The following CWF19L1 variants were observed in gnomAD, a reference collection of about 807,000 sequenced individuals.
CWF19L1 encodes the protein CWF19-like protein 1.
Under a neutral mutation model 69.7 loss-of-function variants are expected in CWF19L1, and 60 were observed. The observed-to-expected ratio is 0.86, with a 90% CI of 0.70 to 1.07. CWF19L1 has a LOEUF of 1.07. Among genes scored for constraint, CWF19L1 ranks in the 50% least tolerant of loss-of-function variants. CWF19L1 has a pLI of 0.00. For missense variants in CWF19L1, 591 were observed against 638.9 expected (o/e 0.92, Z 0.81); for synonymous variants, 209 against 222.2 (o/e 0.94, Z 0.53).
At chr10:100,265,086 A>G (rs114541841) in intron 1 of CWF19L1, among the ~76,000 whole-genome samples, 346 of 151,204 alleles carry the variant, frequency 2.3e-3, no homozygotes, top group African/African-American at 8.0e-3. Flanking sequence ...GCACAATTGC[A>G]CTCCAGCCTG....
At chr10:100,243,018 G>A (rs1589615502) in intron 10 of CWF19L1, among the ~76,000 whole-genome samples, 1 of 152,276 alleles carries the variant, frequency 6.6e-6, no homozygotes, top group East Asian at 1.9e-4. Flanking sequence ...ACTGCTGGTG[G>A]GAATATAAGA....
chr10:100,242,661 G>A (rs1028250304), intron 10 of CWF19L1, among the ~76,000 whole-genome samples: 31 of 142,366 alleles, frequency 2.2e-4, no homozygotes, highest in Admixed American at 5.6e-4. Flanking sequence ...GCAACAGAGC[G>A]AGACTCCATC....
chr10:100,248,722 GAGCA>G, intron 7 of CWF19L1: 1 of 1,142,212 alleles, frequency 8.8e-7, no homozygotes, highest in South Asian at 1.2e-5. Context: ...CGACCTTACA[GAGCA>G]AGCAGCCACC....
In CWF19L1 at chr10:100,266,682, A is replaced by ATTTTTT. The variant is rs35028554; in HGVS notation, c.23+883_23+888dup. On this transcript the variant is annotated intron_variant, in intron 1 of 13. Transcript: ENST00000354105. ...AGGCACGCGCCACCACGCCTGGCTA[A>ATTTTTT]TTTTTTTTTTTTGTATTAGTAGAGA... Among the ~76,000 whole-genome samples, 648 of 135,090 alleles carry ATTTTTT rather than the reference A, an allele frequency of 4.8e-3. 12 individuals carry two copies. The highest frequency in any genetic ancestry group is 0.017 in the African/African-American group (605 of 35,366). The allele number at this position is 135,090 out of a possible 152,430, so 88.6% of individuals were successfully genotyped here. A position where few individuals can be genotyped will look rare whatever the true frequency, so the allele number is the denominator to read the frequency against.
chr10:100,248,687 A>C, intron 7 of CWF19L1: 1 of 975,140 alleles, frequency 1.0e-6, no homozygotes, highest in Non-Finnish European at 1.6e-6. Flanking sequence ...ACCTAAAGAG[A>C]GCTGGTCTCC....
At chr10:100,266,832 G>GT (rs1847607942) in intron 1 of CWF19L1, among the ~76,000 whole-genome samples, 1 of 143,750 alleles carries the variant, frequency 7.0e-6, no homozygotes, top group Non-Finnish European at 1.5e-5. Context: ...TATTTGTATT[G>GT]TTTTTTGTTT....
intron 13 of CWF19L1, among the ~76,000 whole-genome samples, chr10:100,234,216 A>G (rs1434170134): frequency 6.6e-6 from 1 of 152,238 alleles, no homozygotes; most frequent in East Asian, 1.9e-4. Flanking sequence ...AAGTCAAAGA[A>G]CCTAAGCTCC....
chr10:100,256,366 A>C lies in CWF19L1; in HGVS notation c.400T>G (p.Ser134Ala), dbSNP rs376515228. 8 of 1,614,082 alleles carry C rather than the reference A, an allele frequency of 5.0e-6. No individual in the cohort carries two copies. In the East Asian group the frequency reaches 1.3e-4, roughly 27 times the overall value. Residue 134 changes from serine (S) to alanine (A), a missense_variant, in exon 5 of 14, where the codon TCT becomes GCT. By Grantham distance (99) the Ser-to-Ala change is moderately conservative. Coordinates refer to ENST00000354105, the MANE Select transcript of CWF19L1 (RefSeq NM_018294.6). ...PGYSFSPKDVSSLRMMLCTTS... is the reference protein window; with the variant it reads ...PGYSFSPKDVASLRMMLCTTS... ...GTACACAGCATCATTCTCAGAGAAG[A>C]CACATCCTTGGGACTAAAACTATAA...
At chr10:100,265,087 C>A (rs1477831867) in intron 1 of CWF19L1, among the ~76,000 whole-genome samples, 5 of 150,562 alleles carry the variant, frequency 3.3e-5, no homozygotes, top group African/African-American at 1.2e-4. Context: ...CACAATTGCA[C>A]TCCAGCCTGG....
chr10:100,253,586 G>A (rs770439418), intron 5 of CWF19L1, 47 bp from the exon 6 acceptor site: 1 of 1,027,142 alleles, frequency 9.7e-7, no homozygotes, highest in South Asian at 1.3e-5. Flanking sequence ...AAGTTATCAA[G>A]AAATGCAAAT....
intron 11 of CWF19L1, among the ~76,000 whole-genome samples, chr10:100,237,543 GTC>G (rs1407599575): frequency 5.9e-5 from 9 of 152,114 alleles, no homozygotes; most frequent in Admixed American, 5.9e-4. Context: ...TCCCTGTGAA[GTC>G]TCTGGGGTTA....
At chr10:100,257,711 C>T (rs1435017021) in intron 4 of CWF19L1, among the ~76,000 whole-genome samples, 2 of 152,050 alleles carry the variant, frequency 1.3e-5, no homozygotes, top group African/African-American at 2.4e-5. Context: ...TCAGTAGATT[C>T]CATGAAGTTG....
chr10:100,262,295 T>C (rs889779748), intron 1 of CWF19L1: 2 of 985,310 alleles, frequency 2.0e-6, no homozygotes, highest in African/African-American at 3.5e-5. Flanking sequence ...TTGAGCCAGC[T>C]TCTTCTCCTC....
chr10:100,258,100 T>C (rs933839487), intron 4 of CWF19L1, among the ~76,000 whole-genome samples: 1 of 152,072 alleles, frequency 6.6e-6, no homozygotes, highest in East Asian at 1.9e-4. Context: ...TAGCCGGGCA[T>C]GGTGGCACAC....
At chr10:100,262,168 C>G in intron 1 of CWF19L1, 105 bp from the exon 2 acceptor site, 1 of 1,442,780 alleles carries the variant, frequency 6.9e-7, no homozygotes, top group South Asian at 1.5e-5. Context: ...GATCTAGTCT[C>G]TCTGCAGTTA....
intron 7 of CWF19L1, chr10:100,248,504 T>C (rs576184917): frequency 1.6e-5 from 11 of 681,548 alleles, no homozygotes; most frequent in African/African-American, 1.4e-4. Flanking sequence ...TCATCACTGA[T>C]AGCAAAGATT....
At chr10:100,261,446 T>C (rs1459036463) in intron 2 of CWF19L1, among the ~76,000 whole-genome samples, 1 of 152,222 alleles carries the variant, frequency 6.6e-6, no homozygotes. Flanking sequence ...ACTTAAAATA[T>C]TAGAATCTGA....
intron 7 of CWF19L1, chr10:100,248,892 C>T (rs912797699): frequency 2.1e-6 from 2 of 971,700 alleles, no homozygotes; most frequent in Non-Finnish European, 3.3e-6. Flanking sequence ...CAGCCATCAT[C>T]TCTGCTGAGG....
rs752877832 is a variant in CWF19L1, at chr10:100,243,777, G to C, written c.965C>G (p.Pro322Arg). ...AAACCAGCAGGGTCCTGGAGGCTGA[G>C]CTTCATGTAAAAGAAAGCCAGGTGT... ...SPHPKQPRKP[P>R]QPPGPCWFCL... The change falls in exon 10 of 14, where the codon CCT becomes CGT. Residue 322 changes from proline to arginine, a missense_variant and splice_region_variant. Pro to Arg is a moderately radical substitution (Grantham distance 103). Around this residue, in one of 3 missense-constraint regions of CWF19L1, gnomAD observed 458 missense variants for 489.3 expected, o/e 0.94. Transcript: ENST00000354105. The C allele has an allele frequency of 2.1e-5, 34 of 1,613,734 alleles. No homozygotes were observed. In the Admixed American group the frequency reaches 5.7e-4, roughly 27 times the overall value.
Sources: gnomAD v4.1 joint callset for allele counts (sites outside exome capture counted in the v4.1 genomes callset) on GRCh38, gnomAD v4.1.1 for gene constraint, gnomAD v4.1.1 regional missense constraint, MANE v1.5 for transcripts, NCBI Gene and HGNC (gene_info 2026-07-23, HGNC 2026-07-21) for gene names.